The following TMEM161B variants were observed in gnomAD, a reference collection of about 807,000 sequenced individuals.
TMEM161B encodes the protein transmembrane protein 161B.
A neutral mutation model predicts 61.8 loss-of-function variants in TMEM161B; 34 were observed. The ratio of observed to expected loss-of-function variants is 0.55; its 90% CI spans 0.42 to 0.73. The LOEUF (loss-of-function observed/expected upper bound fraction) is 0.73. Ranked by LOEUF, TMEM161B falls within the 30% of genes least tolerant of loss-of-function variation. The probability of loss-of-function intolerance (pLI) is 0.00; values close to 1 mark genes in which losing one functional copy is unlikely to be tolerated. For synonymous variants in TMEM161B, 167 were observed against 192.8 expected, an observed-to-expected ratio of 0.87 and a Z score of 1.11; for missense variants, 456 against 558.5, an observed-to-expected ratio of 0.82 and a Z score of 1.85.
rs1277631814 is a variant in TMEM161B, at chr5:88,206,501, T to C, written c.599-2A>G. 1.3e-6 allele frequency: 2 copies of C among 1,563,018 alleles called. No homozygotes were observed. The highest frequency in any genetic ancestry group is 1.9e-5 in the Admixed American group (1 of 52,726). ...CACTGTCTGAAAAATTTGTAAACCC[T>C]GTGGGGGAAAAAAAAAAAAACAACA... On this transcript the variant is annotated splice_acceptor_variant, in intron 6 of 11. Coordinates refer to ENST00000296595, the MANE Select transcript of TMEM161B (RefSeq NM_153354.5). LOFTEE classifies it high-confidence loss of function.
chr5:88,230,419 A>G (rs920689272), intron 2 of TMEM161B, among the ~76,000 whole-genome samples: 2 of 152,182 alleles, frequency 1.3e-5, no homozygotes, highest in Non-Finnish European at 2.9e-5. Context: ...ACAGGAATTC[A>G]TAATTCTATC....
rs1243079554 is a variant in TMEM161B, at chr5:88,228,505, G to A, written c.131C>T (p.Thr44Ile). 6.2e-7 allele frequency: 1 copy of A among 1,605,844 alleles called. No individual in the cohort carries two copies. Among genetic ancestry groups the A allele is most frequent in the Non-Finnish European group, 8.5e-7 (1 of 1,177,432 alleles). Residue 44 changes from threonine (T) to isoleucine (I), a missense_variant, in exon 3 of 12, where the codon ACA becomes ATA. Thr to Ile is a moderately conservative substitution (Grantham distance 89). Around this residue, in one of 3 missense-constraint regions of TMEM161B, gnomAD observed 85 missense variants for 111.2 expected, o/e 0.76. Transcript: ENST00000296595. Reference protein sequence around the residue: ...NGSLRWYQHPTEEELRILAGK... With the variant: ...NGSLRWYQHPIEEELRILAGK... ...TGCAAGAATTCTTAATTCTTCTTCT[G>A]TAGGATGTTGATACCACCTCAAACT... is the stretch of plus-strand genomic sequence containing the variant.
intron 2 of TMEM161B, among the ~76,000 whole-genome samples, chr5:88,231,535 AG>A (rs1293787321): frequency 1.3e-5 from 2 of 152,230 alleles, no homozygotes; most frequent in Non-Finnish European, 2.9e-5. Flanking sequence ...CTTCAAAGTT[AG>A]TACAGTTACT....
chr5:88,218,585 C>A (rs759997350), intron 5 of TMEM161B, among the ~76,000 whole-genome samples: 2 of 152,146 alleles, frequency 1.3e-5, no homozygotes, highest in South Asian at 2.1e-4. Context: ...GGAGTTGACA[C>A]CAGCCTGGGC....
At chr5:88,216,792 C>G (rs557754680) in intron 5 of TMEM161B, among the ~76,000 whole-genome samples, 1 of 152,268 alleles carries the variant, frequency 6.6e-6, no homozygotes, top group South Asian at 2.1e-4. Flanking sequence ...TTCTCACAAT[C>G]TGACTAAGGC....
intron 5 of TMEM161B, among the ~76,000 whole-genome samples, chr5:88,208,398 C>T (rs942077005): frequency 3.3e-5 from 5 of 152,104 alleles, no homozygotes; most frequent in African/African-American, 1.2e-4. Flanking sequence ...AGCAGAATGG[C>T]GTGAACCCGG....
chr5:88,222,946 C>T (rs1749274161), intron 4 of TMEM161B, among the ~76,000 whole-genome samples: 1 of 152,042 alleles, frequency 6.6e-6, no homozygotes, highest in African/African-American at 2.4e-5. Flanking sequence ...CATGCATTCA[C>T]AAATGACTAC....
At chr5:88,245,541 A>G (rs768710350) in intron 1 of TMEM161B, among the ~76,000 whole-genome samples, 3 of 151,940 alleles carry the variant, frequency 2.0e-5, no homozygotes, top group Non-Finnish European at 2.9e-5. Flanking sequence ...CGGAATCTTC[A>G]AGGTCATAAT....
intron 4 of TMEM161B, chr5:88,221,549 C>G: frequency 2.8e-6 from 1 of 363,430 alleles, no homozygotes; most frequent in South Asian, 2.1e-5. Context: ...CTATTTTGTT[C>G]TGCAAAAAAG....
At chr5:88,214,977 T>C (rs1224602155) in intron 5 of TMEM161B, among the ~76,000 whole-genome samples, 1 of 152,218 alleles carries the variant, frequency 6.6e-6, no homozygotes, top group Non-Finnish European at 1.5e-5. Flanking sequence ...ATTCCTGTGC[T>C]TTTAGAACTT....
intron 2 of TMEM161B, among the ~76,000 whole-genome samples, chr5:88,230,126 T>C (rs1315465713): frequency 2.0e-5 from 3 of 152,056 alleles, no homozygotes; most frequent in African/African-American, 7.2e-5. Flanking sequence ...GTCAAGGCTG[T>C]AATGAGCCAT....
chr5:88,205,753 C>A (rs1745337995), intron 8 of TMEM161B, 61 bp downstream of exon 8: 1 of 1,564,686 alleles, frequency 6.4e-7, no homozygotes, highest in South Asian at 1.2e-5. Context: ...CAATATTATA[C>A]CTTCATTAAG....
downstream of TMEM161B, among the ~76,000 whole-genome samples, chr5:88,186,167 T>G (rs181380843): frequency 1.6e-4 from 25 of 152,386 alleles, no homozygotes; most frequent in East Asian, 4.6e-3. Flanking sequence ...CTAAACATTT[T>G]ATGTAGCCAT....
At chr5:88,221,394 G>A (rs1748953699) in intron 4 of TMEM161B, 1 of 187,754 alleles carries the variant, frequency 5.3e-6, no homozygotes, top group African/African-American at 2.4e-5. Flanking sequence ...AGCTACTTGG[G>A]AGGCCGAGGC....
At chr5:88,191,335 C>T (rs1748826319), downstream of TMEM161B, among the ~76,000 whole-genome samples, 1 of 152,192 alleles carries the variant, frequency 6.6e-6, no homozygotes, top group Admixed American at 6.5e-5. Flanking sequence ...ATCCAGATAT[C>T]CTATATTAGA....
chr5:88,248,537 T>C, intron 1 of TMEM161B, among the ~76,000 whole-genome samples: 1 of 152,094 alleles, frequency 6.6e-6, no homozygotes, highest in South Asian at 2.1e-4. Flanking sequence ...GGGATCGCTC[T>C]GCTTACAATT....
intron 1 of TMEM161B, among the ~76,000 whole-genome samples, chr5:88,252,845 T>C (rs1580705536): frequency 6.6e-6 from 1 of 152,334 alleles, no homozygotes; most frequent in East Asian, 1.9e-4. Flanking sequence ...AAGAGTTTTG[T>C]CACTTAACAT....
intron 8 of TMEM161B, among the ~76,000 whole-genome samples, chr5:88,203,494 G>A (rs566770830): frequency 5.3e-5 from 8 of 151,630 alleles, no homozygotes; most frequent in African/African-American, 1.5e-4. Context: ...CAGAAGAGTC[G>A]TCTGATACTT....
At chr5:88,211,072 A>T (rs1746627266) in intron 5 of TMEM161B, among the ~76,000 whole-genome samples, 2 of 152,142 alleles carry the variant, frequency 1.3e-5, no homozygotes, top group African/African-American at 4.8e-5. Flanking sequence ...CAACCCAGAT[A>T]CTGCAAGCCA....
Sources: gnomAD v4.1 joint callset for allele counts (sites outside exome capture counted in the v4.1 genomes callset) on GRCh38, gnomAD v4.1.1 for gene constraint, gnomAD v4.1.1 regional missense constraint, MANE v1.5 for transcripts, NCBI Gene and HGNC (gene_info 2026-07-23, HGNC 2026-07-21) for gene names.